Variants in ARHGEF38 observed in about 807,000 individuals in gnomAD.
ARHGEF38 encodes the protein Rho guanine nucleotide exchange factor 38.
A neutral mutation model predicts 79.9 loss-of-function variants in ARHGEF38; 79 were observed. The observed-to-expected ratio is 0.99, with a 90% CI of 0.82 to 1.19. ARHGEF38 has a LOEUF of 1.19. Among genes scored for constraint, ARHGEF38 ranks in the 50% most tolerant of loss-of-function variants. The probability of loss-of-function intolerance (pLI) is 0.00; values close to 1 mark genes in which losing one functional copy is unlikely to be tolerated. For missense variants in ARHGEF38, 962 were observed against 907.2 expected (o/e 1.06, Z -0.78); for synonymous variants, 366 against 328.3 (o/e 1.11, Z -1.24).
At chr4:105,643,878 T>C (rs931436933) in intron 5 of ARHGEF38, among the ~76,000 whole-genome samples, 7 of 143,048 alleles carry the variant, frequency 4.9e-5, no homozygotes, top group Non-Finnish European at 9.3e-5. Flanking sequence ...CCTACTTTTT[T>C]TTTTTTTTTT....
chr4:105,581,129 T>C (rs1221480281), intron 1 of ARHGEF38, among the ~76,000 whole-genome samples: 1 of 152,152 alleles, frequency 6.6e-6, no homozygotes, highest in African/African-American at 2.4e-5. Context: ...CGGTGCCCCG[T>C]AGCCCCATAC....
Position 105,645,214 on chromosome 4 carries a change from G to C in ARHGEF38, c.701G>C (p.Gly234Ala). Residue 234 changes from glycine to alanine, a missense_variant, in exon 6 of 14, where the codon GGC becomes GCC. Coordinates refer to ENST00000420470, the MANE Select transcript of ARHGEF38 (RefSeq NM_001242729.2). ...GGCAAACCAAACTTATTGGACATGG[G>C]CTCTTTGATGATCAAACCAATTCAA... ...QEGKPNLLDM[G>A]SLMIKPIQRV... 3 of 1,529,110 alleles carry C rather than the reference G, an allele frequency of 2.0e-6. No homozygotes were observed. The South Asian group carries it at 3.7e-5, about 19-fold the overall frequency. The allele number at this position is 1,529,110 out of a possible 1,614,324, so 94.7% of individuals were successfully genotyped here. A position where few individuals can be genotyped will look rare whatever the true frequency, so the allele number is the denominator to read the frequency against.
Position 105,667,580 on chromosome 4 carries a change from T to C in ARHGEF38, c.2025T>C (p.Ser675=). 1.3e-6 allele frequency: 2 copies of C among 1,536,708 alleles called. No homozygotes were observed. The highest frequency in any genetic ancestry group is 2.7e-5 in the African/African-American group (2 of 73,172). The part of the protein sequence containing the change: ...ISLFVSSRPA[S]DSVTGTSESS... ...TCTTCGTGTCTTCACGGCCAGCTAGTGACAGTGTCACAGGCACCTCAGAAA... is the reference window on the plus strand; with the variant it reads ...TCTTCGTGTCTTCACGGCCAGCTAGCGACAGTGTCACAGGCACCTCAGAAA... Residue 675 remains serine (S), a synonymous_variant, in exon 13 of 14, where the codon AGT becomes AGC. Coordinates refer to ENST00000420470, the MANE Select transcript of ARHGEF38 (RefSeq NM_001242729.2).
intron 13 of ARHGEF38, among the ~76,000 whole-genome samples, chr4:105,668,402 T>C (rs1351897768): frequency 6.6e-6 from 1 of 152,078 alleles, no homozygotes; most frequent in African/African-American, 2.4e-5. Flanking sequence ...GTCAGACTGG[T>C]CTATACTGAA....
chr4:105,602,298 G>A (rs1727858166), intron 2 of ARHGEF38, among the ~76,000 whole-genome samples: 1 of 152,150 alleles, frequency 6.6e-6, no homozygotes, highest in Non-Finnish European at 1.5e-5. Context: ...TCTTGTCCAG[G>A]CAAACTGTCA....
intron 13 of ARHGEF38, among the ~76,000 whole-genome samples, chr4:105,673,770 G>A (rs1410956987): frequency 6.7e-6 from 1 of 149,154 alleles, no homozygotes; most frequent in African/African-American, 2.6e-5. Flanking sequence ...GGTGGGTTTT[G>A]TTTTGTTTTG....
At chr4:105,571,321 C>CTTTTTTT (rs34707064) in intron 1 of ARHGEF38, among the ~76,000 whole-genome samples, 1 of 89,752 alleles carries the variant, frequency 1.1e-5, no homozygotes, top group Admixed American at 1.3e-4. Flanking sequence ...TTTTCTTTTT[C>CTTTTTTT]TTTTTTTTTT....
Position 105,667,152 on chromosome 4 carries a change from C to T in ARHGEF38, c.1713C>T (p.Asp571=). Residue 571 remains aspartate (D), a synonymous_variant, in exon 12 of 14, where the codon GAC becomes GAT. Transcript: ENST00000420470. ...QILPEMPHQT[D]IHRSKLLSTY... is the part of the protein sequence containing the mutation. ...AGCCAGAAATGCCACATCAAACTGA[C>T]ATTCATCGCTCCAAACTTCTATCCA... 6.5e-7 allele frequency: 1 copy of T among 1,534,138 alleles called. No individual in the cohort carries two copies.
intron 1 of ARHGEF38, among the ~76,000 whole-genome samples, chr4:105,559,276 G>C (rs1725403214): frequency 6.6e-6 from 1 of 152,136 alleles, no homozygotes; most frequent in South Asian, 2.1e-4. Flanking sequence ...GGAATTTTCT[G>C]TTCAACAGGC....
chr4:105,673,126 A>C (rs1194559889), intron 13 of ARHGEF38, among the ~76,000 whole-genome samples: 2 of 152,156 alleles, frequency 1.3e-5, no homozygotes, highest in African/African-American at 4.8e-5. Context: ...TACCTTTGCT[A>C]TAGAGTGTAG....
chr4:105,657,461 A>T (rs1405676675), intron 9 of ARHGEF38, among the ~76,000 whole-genome samples: 2 of 152,204 alleles, frequency 1.3e-5, no homozygotes, highest in African/African-American at 4.8e-5. Context: ...AAGGCAGAGC[A>T]GTTATTCTTA....
At chr4:105,645,798 C>T (rs183126633) in intron 6 of ARHGEF38, among the ~76,000 whole-genome samples, 1 of 152,166 alleles carries the variant, frequency 6.6e-6, no homozygotes, top group East Asian at 1.9e-4. Flanking sequence ...TGACAGAGGC[C>T]ATCTAGTCTT....
chr4:105,642,582 T>G (rs1729665617), intron 5 of ARHGEF38, among the ~76,000 whole-genome samples: 1 of 152,204 alleles, frequency 6.6e-6, no homozygotes, highest in East Asian at 1.9e-4. Context: ...ACATTTTACT[T>G]CCCATTCATT....
intron 2 of ARHGEF38, among the ~76,000 whole-genome samples, chr4:105,590,401 G>A (rs752118416): frequency 2.6e-5 from 4 of 151,998 alleles, no homozygotes; most frequent in East Asian, 1.9e-4. Flanking sequence ...GAAATTCCAC[G>A]GTCAAAGAAA....
chr4:105,558,123 A>G (rs1725339568), intron 1 of ARHGEF38, among the ~76,000 whole-genome samples: 2 of 152,194 alleles, frequency 1.3e-5, no homozygotes, highest in African/African-American at 4.8e-5. Context: ...GGTGCGAAAG[A>G]TGAACCACCC....
intron 1 of ARHGEF38, among the ~76,000 whole-genome samples, chr4:105,553,947 A>G (rs187649819): frequency 6.6e-5 from 10 of 152,308 alleles, no homozygotes; most frequent in Admixed American, 5.9e-4. Context: ...TTCCACAAAT[A>G]TGAGCTTAGA....
rs111915706 is a variant in ARHGEF38, at chr4:105,587,634, G to C, written c.197-1614G>C. The stretch of plus-strand genomic sequence containing the variant: ...CGCCACCACGCCCGGCTCTTTTGTT[G>C]TATTTTTAGTAGAGATGGGGTTTCA... On this transcript the variant is annotated intron_variant, in intron 1 of 13. Coordinates refer to ENST00000420470, the MANE Select transcript of ARHGEF38 (RefSeq NM_001242729.2). Among the ~76,000 whole-genome samples the C allele has an allele frequency of 2.2e-3, 332 of 152,144 alleles. 1 individual carries two copies. The highest frequency in any genetic ancestry group is 3.9e-3 in the Non-Finnish European group (265 of 67,984).
chr4:105,656,514 C>T (rs900298881), intron 9 of ARHGEF38, among the ~76,000 whole-genome samples: 2 of 152,108 alleles, frequency 1.3e-5, no homozygotes, highest in Non-Finnish European at 2.9e-5. Context: ...TCTTGGGAAT[C>T]ATAAAAACAT....
intron 9 of ARHGEF38, among the ~76,000 whole-genome samples, chr4:105,656,559 C>T (rs1029980409): frequency 1.3e-5 from 2 of 151,982 alleles, no homozygotes; most frequent in Non-Finnish European, 1.5e-5. Flanking sequence ...TAGTAAGTTA[C>T]TCTGGGTAAT....
Sources: gnomAD v4.1 joint callset for allele counts (sites outside exome capture counted in the v4.1 genomes callset) on GRCh38, gnomAD v4.1.1 for gene constraint, MANE v1.5 for transcripts, NCBI Gene and HGNC (gene_info 2026-07-23, HGNC 2026-07-21) for gene names.